Variants in BAHCC1 observed in about 807,000 individuals in gnomAD.
BAHCC1 encodes the protein BAH and coiled-coil domain-containing protein 1.
In BAHCC1, 43 loss-of-function variants were observed where a neutral mutation model predicts 88.2. The observed-to-expected ratio is 0.49, with a 90% CI of 0.38 to 0.63. BAHCC1 has a LOEUF of 0.63. Ranked by LOEUF, BAHCC1 falls within the 20% of genes least tolerant of loss-of-function variation. The pLI is 0.00. For missense variants in BAHCC1, 3,023 were observed against 1,654.8 expected, an observed-to-expected ratio of 1.83 and a Z score of -14.34; for synonymous variants, 1,510 against 745.5, an observed-to-expected ratio of 2.03 and a Z score of -16.71.
chr17:81,457,252 C>T (rs2064766421), intron 16 of BAHCC1, among the ~76,000 whole-genome samples, 158 bp from the exon 17 acceptor site: 1 of 152,172 alleles, frequency 6.6e-6, no homozygotes, highest in Non-Finnish European at 1.5e-5. Flanking sequence ...CCTCAGGCAC[C>T]TGCCCCCAAA....
chr17:81,428,175 C>T (rs36194779), intron 3 of BAHCC1, among the ~76,000 whole-genome samples: 53,144 of 152,046 alleles, frequency 0.35, 9,687 homozygotes, highest in South Asian at 0.5. Context: ...CACCCCTGCA[C>T]TACTAGCGGC....
Position 81,435,606 on chromosome 17 carries a change from G to A in BAHCC1, c.359-2764G>A, listed in dbSNP as rs2064324739. On this transcript the variant is annotated intron_variant, in intron 3 of 27. Transcript: ENST00000675386. This position sits in a 1 kb window ranked among gnomAD's most constrained non-coding sequence, Gnocchi z 4.4. ...GTTCTAGCAGGAGCTTGCAGTTGAG[G>A]ACCTCTGGCTCTGGGTTCATATGGC... The A allele has an allele frequency of 2.3e-6, 1 of 426,568 alleles. No homozygotes were observed. Among genetic ancestry groups the A allele is most frequent in the Non-Finnish European group, 4.8e-6 (1 of 206,592 alleles). 26.4% of individuals were successfully genotyped at this position (426,568 alleles called of 1,614,324 possible). A position where few individuals can be genotyped will look rare whatever the true frequency, so the allele number is the denominator to read the frequency against.
At chr17:81,453,549 GGGCTGTGT>G (rs2064686429) in intron 14 of BAHCC1, among the ~76,000 whole-genome samples, 1 of 152,216 alleles carries the variant, frequency 6.6e-6, no homozygotes, top group South Asian at 2.1e-4. Context: ...TTACGGGGAG[GGGCTGTGT>G]GGCTGTGGGC....
Position 81,452,789 on chromosome 17 carries a change from A to G in BAHCC1, c.4383A>G (p.Ser1461=). The G allele has an allele frequency of 1.3e-6, 1 of 740,998 alleles. No homozygotes were observed. Among genetic ancestry groups the G allele is most frequent in the Non-Finnish European group, 2.5e-6 (1 of 403,720 alleles). The allele number at this position is 740,998 out of a possible 1,614,324, so 45.9% of individuals were successfully genotyped here. The change falls in exon 14 of 28, where the codon TCA becomes TCG. Residue 1461 remains serine (S), a synonymous_variant. Transcript: ENST00000675386. ...GCCGGCCGAGGAAGCGCAAACACTC[A>G]AGCTCGCTGCCTGCCCCACGTCCCA... ...GPGRPRKRKH[S]SSLPAPRPTG... is the part of the protein sequence containing the mutation.
chr17:81,401,337 T>C lies in BAHCC1; in HGVS notation c.178+1420T>C, dbSNP rs532688567. 738 of 152,842 alleles carry C rather than the reference T, an allele frequency of 4.8e-3. 7 individuals are homozygous for C. The highest frequency in any genetic ancestry group is 5.9e-3 in the Non-Finnish European group (402 of 68,040). The allele number at this position is 152,842 out of a possible 1,614,324, so 9.5% of individuals were successfully genotyped here. ...GCCCACACCCGCTTCCCTCCCTGCC[T>C]GGGCCTTTGGCGAGGCTGCCCTTTT... On this transcript the variant is annotated intron_variant, in intron 2 of 27. Transcript: ENST00000675386.
Position 81,459,496 on chromosome 17 carries a change from G to T in BAHCC1, c.5797G>T (p.Val1933Phe), listed in dbSNP as rs1474382768. The T allele has an allele frequency of 1.3e-6, 1 of 779,172 alleles. No homozygotes were observed. The highest frequency in any genetic ancestry group is 2.4e-6 in the Non-Finnish European group (1 of 417,830). 48.3% of individuals were successfully genotyped at this position (779,172 alleles called of 1,614,324 possible). A position where few individuals can be genotyped will look rare whatever the true frequency, so the allele number is the denominator to read the frequency against. The change falls in exon 23 of 28, where the codon GTT becomes TTT. Residue 1933 changes from valine to phenylalanine, a missense_variant and splice_region_variant. Val to Phe is a conservative substitution (Grantham distance 50). Coordinates refer to ENST00000675386, the MANE Select transcript of BAHCC1 (RefSeq NM_001377448.1). ...TGGGTCGTCGCCCGCGTTCCTGCAG[G>T]TTCTCGATGTGCGGCCACAGTCCAG... ...YSLEQLLQEA[V>F]LDVRPQSSRY...
At chr17:81,406,687 GC>G (rs1555646951) in intron 2 of BAHCC1, among the ~76,000 whole-genome samples, 1 of 152,238 alleles carries the variant, frequency 6.6e-6, no homozygotes, top group Non-Finnish European at 1.5e-5. Context: ...TAATATTACT[GC>G]CTCCCGTGGC....
At position 81,442,745 on chromosome 17, in the gene BAHCC1, A is replaced by G. The variant is rs782746524; in HGVS notation, c.1396A>G (p.Lys466Glu). Residue 466 changes from lysine (K) to glutamate (E), a missense_variant, in exon 5 of 28, where the codon AAG becomes GAG. Physicochemically the swap from Lys to Glu is moderately conservative, Grantham distance 56. Coordinates refer to ENST00000675386, the MANE Select transcript of BAHCC1 (RefSeq NM_001377448.1). ...TGAGGCGGCCCTCAACCCCCGGCTA[A>G]AGGGCCTCGACTATCTCAGCAGCGC... ...GFEAALNPRLKGLDYLSSAGP... is the reference protein window; with the variant it reads ...GFEAALNPRLEGLDYLSSAGP... The G allele has an allele frequency of 2.6e-6, 2 of 778,670 alleles. No homozygotes were observed. Among genetic ancestry groups the G allele is most frequent in the Non-Finnish European group, 4.8e-6 (2 of 417,574 alleles). 48.2% of individuals were successfully genotyped at this position (778,670 alleles called of 1,614,324 possible).
intron 2 of BAHCC1, chr17:81,415,687 G>T: frequency 2.6e-6 from 1 of 389,304 alleles, no homozygotes. Flanking sequence ...CCCTCGGTGG[G>T]AGGTGGAGCT....
intron 2 of BAHCC1, among the ~76,000 whole-genome samples, chr17:81,409,692 C>G (rs1232440421): frequency 2.0e-5 from 3 of 152,184 alleles, no homozygotes; most frequent in African/African-American, 7.2e-5. Flanking sequence ...TGCCACTGAC[C>G]AGAGGGAAAT....
chr17:81,439,911 C>T (rs1364031845), intron 4 of BAHCC1, among the ~76,000 whole-genome samples: 2 of 152,156 alleles, frequency 1.3e-5, no homozygotes, highest in African/African-American at 4.8e-5. Flanking sequence ...GCCCCTTCTC[C>T]CCACCTCATA....
chr17:81,443,534 C>T lies in BAHCC1; in HGVS notation c.2185C>T (p.Arg729Trp), dbSNP rs371790978. Residue 729 changes from arginine (R) to tryptophan (W), a missense_variant, in exon 5 of 28, where the codon CGG (arginine) becomes TGG (tryptophan). Coordinates refer to ENST00000675386, the MANE Select transcript of BAHCC1 (RefSeq NM_001377448.1). ...GGCAGCCTACGGCACCAACACTGCG[C>T]GGCAGGGCCGGGCCGCCCCCGCCTT... ...SEAAYGTNTARQGRAAPAFKG... is the reference protein window; with the variant it reads ...SEAAYGTNTAWQGRAAPAFKG... 15 of 658,752 alleles carry T rather than the reference C, an allele frequency of 2.3e-5. No individual in the cohort carries two copies. The highest frequency in any genetic ancestry group is 8.9e-5 in the African/African-American group (5 of 56,078). The allele number at this position is 658,752 out of a possible 1,614,324, so 40.8% of individuals were successfully genotyped here.
intron 2 of BAHCC1, chr17:81,401,429 G>T: frequency 6.5e-6 from 1 of 152,802 alleles, no homozygotes. Flanking sequence ...ACTGGAAAGA[G>T]AAGGAGAAAA....
rs781829138 is a variant in BAHCC1 at position 81,463,667 on chromosome 17, C to T, written c.7677C>T (p.His2559=). Residue 2559 remains histidine, a synonymous_variant, in exon 28 of 28, where the codon CAC becomes CAT. Transcript: ENST00000675386. The part of the protein sequence containing the change: ...EDENDVQTIS[H]KCQVVAREQY... ...AGAACGACGTGCAGACCATCTCCCA[C>T]AAGTGCCAGGTCGTGGCGCGCGAGC... is the stretch of plus-strand genomic sequence containing the variant. 8 of 779,616 alleles carry T rather than the reference C, an allele frequency of 1.0e-5. No individual in the cohort carries two copies. The highest frequency in any genetic ancestry group is 1.7e-5 in the Non-Finnish European group (7 of 417,914). The allele number at this position is 779,616 out of a possible 1,614,324, so 48.3% of individuals were successfully genotyped here. A position where few individuals can be genotyped will look rare whatever the true frequency, so the allele number is the denominator to read the frequency against.
chr17:81,450,198 G>A (rs951391857), intron 11 of BAHCC1, among the ~76,000 whole-genome samples: 4 of 152,102 alleles, frequency 2.6e-5, no homozygotes, highest in East Asian at 3.9e-4. Flanking sequence ...CAGGGGTTCC[G>A]CAGTTCTCCT....
intron 1 of BAHCC1, among the ~76,000 whole-genome samples, chr17:81,398,201 T>A (rs1190878838): frequency 1.3e-5 from 2 of 152,244 alleles, no homozygotes; most frequent in Non-Finnish European, 2.9e-5. Flanking sequence ...AGGAGTAATA[T>A]GTGAAGTGCG....
At chr17:81,420,929 G>A (rs529791472) in intron 2 of BAHCC1, among the ~76,000 whole-genome samples, 91 of 152,378 alleles carry the variant, frequency 6.0e-4, no homozygotes, top group South Asian at 2.3e-3. Context: ...GGGACAGGCC[G>A]TGTTCAGCCC....
chr17:81,417,535 C>T (rs971553066), intron 2 of BAHCC1, among the ~76,000 whole-genome samples: 8 of 147,738 alleles, frequency 5.4e-5, no homozygotes, highest in Non-Finnish European at 8.9e-5. Flanking sequence ...CGAGGAGGGA[C>T]GCCATGGGGA....
rs200506858 is a variant in BAHCC1, at chr17:81,456,441, G to A, written c.4714G>A (p.Gly1572Arg). ...TTTCCAGCAGAAGGAGGCTACCCCC[G>A]GGGGGCGCATCCGGGAGAAGCTGTC... ...SSFQQKEATPGGRIREKLSRA... is the reference protein window; with the variant it reads ...SSFQQKEATPRGRIREKLSRA... The change falls in exon 16 of 28, where the codon GGG becomes AGG. Residue 1572 changes from glycine to arginine, a missense_variant. Gly to Arg is a moderately radical substitution (Grantham distance 125, BLOSUM62 -2). Coordinates refer to ENST00000675386, the MANE Select transcript of BAHCC1 (RefSeq NM_001377448.1). 5.3e-5 allele frequency: 38 copies of A among 721,994 alleles called. No individual in the cohort carries two copies. The highest frequency in any genetic ancestry group is 4.5e-4 in the East Asian group (17 of 37,650). The allele number at this position is 721,994 out of a possible 1,614,324, so 44.7% of individuals were successfully genotyped here.
Sources: allele counts gnomAD v4.1 joint callset (sites outside exome capture counted in the v4.1 genomes callset), GRCh38; gene constraint gnomAD v4.1.1; non-coding constraint Gnocchi (gnomAD v3.1); transcripts MANE v1.5; gene names NCBI Gene and HGNC (gene_info 2026-07-23, HGNC 2026-07-21).